Variants in MUC3A observed in about 807,000 individuals in gnomAD.
MUC3A encodes the protein mucin 3A, cell surface associated, also known as mucin-3A.
Under a neutral mutation model 109.0 loss-of-function variants are expected in MUC3A, and 109 were observed. The ratio of observed to expected loss-of-function variants is 1.00; its 90% CI spans 0.86 to 1.17. The LOEUF (loss-of-function observed/expected upper bound fraction) is 1.17, where lower values mean the gene tolerates loss of function less well. Ranked by LOEUF, MUC3A falls within the 50% of genes most tolerant of loss-of-function variation. The pLI is 0.00. For missense variants in MUC3A, 3,537 were observed against 2,469.4 expected (o/e 1.43, Z -9.16); for synonymous variants, 1,398 against 981.4 (o/e 1.42, Z -7.93).
At position 100,965,310 on chromosome 7, in the gene MUC3A, G is replaced by A. The variant is rs759777846; in HGVS notation, c.9411G>A (p.Lys3137=). The change falls in exon 7 of 12, where the codon AAG becomes AAA. Residue 3137 remains lysine (K), a synonymous_variant. Transcript: ENST00000379458. ...QTLCFKPDSI[K]VNNNSKTELT... ...TGTGTTTTAAGCCTGACTCCATCAA[G>A]GTGAACAACAACAGCAAGACAGAGC... 2.1e-5 allele frequency: 34 copies of A among 1,599,102 alleles called. No individual in the cohort carries two copies. Among genetic ancestry groups the A allele is most frequent in the South Asian group, 6.6e-5 (6 of 91,016 alleles).
At position 100,968,252 on chromosome 7, in the gene MUC3A, T is replaced by G. The variant is rs954489326; in HGVS notation, c.*1090T>G. 2.6e-5 allele frequency: 4 copies of G among 153,062 alleles called. No individual in the cohort carries two copies. The highest frequency in any genetic ancestry group is 9.6e-5 in the African/African-American group (4 of 41,474). 9.5% of individuals were successfully genotyped at this position (153,062 alleles called of 1,614,324 possible). On this transcript the variant is annotated 3_prime_UTR_variant, in exon 12 of 12. Coordinates refer to ENST00000379458, the MANE Select transcript of MUC3A (RefSeq NM_005960.2). ...CAGTAACTCTGAGCCCTTGAAATCC[T>G]CAGTCGCCTTGGCGGGGAAGATTGG... is the stretch of plus-strand genomic sequence containing the variant.
At position 100,955,538 on chromosome 7, in the gene MUC3A, C is replaced by T. The variant is rs979850363; in HGVS notation, c.3759C>T (p.Ser1253=). 29 of 323,968 alleles carry T rather than the reference C, an allele frequency of 9.0e-5. No individual in the cohort carries two copies. Among genetic ancestry groups the T allele is most frequent in the Non-Finnish European group, 1.3e-4 (26 of 204,322 alleles). 20.1% of individuals were successfully genotyped at this position (323,968 alleles called of 1,614,324 possible). A position where few individuals can be genotyped will look rare whatever the true frequency, so the allele number is the denominator to read the frequency against. The stretch of plus-strand genomic sequence containing the variant: ...ATACAGAAACCTCATCCCTTGTCAG[C>T]ATGACCTCTGCCACCACTCCCAGTT... The part of the protein sequence containing the change: ...IQNTETSSLV[S]MTSATTPSLR... The change falls in exon 2 of 12, where the codon AGC becomes AGT. Residue 1253 remains serine, a synonymous_variant. Transcript: ENST00000379458.
chr7:100,961,170 G>C (rs1414574242), intron 3 of MUC3A, among the ~76,000 whole-genome samples: 6 of 152,308 alleles, frequency 3.9e-5, no homozygotes, highest in Non-Finnish European at 8.8e-5. Flanking sequence ...GACTTGGGCT[G>C]CTTGGAGCTG....
At chr7:100,949,815 G>C in intron 1 of MUC3A, 130 bp downstream of exon 1, 1 of 961,162 alleles carries the variant, frequency 1.0e-6, no homozygotes, top group Non-Finnish European at 1.5e-6. Flanking sequence ...TCTGGGTGCA[G>C]GGAGAACCGA....
At chr7:100,951,284 C>T (rs555494918) in intron 1 of MUC3A, among the ~76,000 whole-genome samples, 2 of 152,414 alleles carry the variant, frequency 1.3e-5, no homozygotes, top group East Asian at 1.9e-4. Context: ...CATGAGCCAC[C>T]GTGCCTGGCC....
At position 100,956,063 on chromosome 7, in the gene MUC3A, C is replaced by T; in HGVS notation, c.4284C>T (p.Ser1428=). 2.2e-6 allele frequency: 1 copy of T among 448,170 alleles called. No individual in the cohort carries two copies. The highest frequency in any genetic ancestry group is 3.9e-6 in the Non-Finnish European group (1 of 255,940). The allele number at this position is 448,170 out of a possible 1,614,324, so 27.8% of individuals were successfully genotyped here. ...SSILSSTPVP[S]TEVTTSHTTN... ...TTTTATCTTCTACACCTGTCCCAAG[C>T]ACAGAGGTGACCACCAGTCATACCA... The change falls in exon 2 of 12, where the codon AGC becomes AGT. Residue 1428 remains serine, a synonymous_variant. Coordinates refer to ENST00000379458, the MANE Select transcript of MUC3A (RefSeq NM_005960.2).
rs1792678751 is a variant in MUC3A at position 100,967,921 on chromosome 7, C to T, written c.*759C>T. ...TGCTCTCATTCCTTGTATCTTCTCCCTTCTGAGCCCGTCCATTCATCGGTT... is the reference window on the plus strand; with the variant it reads ...TGCTCTCATTCCTTGTATCTTCTCCTTTCTGAGCCCGTCCATTCATCGGTT... On this transcript the variant is annotated 3_prime_UTR_variant, in exon 12 of 12. Coordinates refer to ENST00000379458, the MANE Select transcript of MUC3A (RefSeq NM_005960.2). 6.3e-6 allele frequency: 1 copy of T among 157,630 alleles called. No homozygotes were observed. The highest frequency in any genetic ancestry group is 2.4e-5 in the African/African-American group (1 of 41,538). The allele number at this position is 157,630 out of a possible 1,614,324, so 9.8% of individuals were successfully genotyped here.
Position 100,954,475 on chromosome 7 carries a change from C to T in MUC3A, c.2696C>T (p.Ser899Phe). 1 of 402,438 alleles carries T rather than the reference C, an allele frequency of 2.5e-6. No individual in the cohort carries two copies. The highest frequency in any genetic ancestry group is 3.6e-5 in the East Asian group (1 of 28,136). The allele number at this position is 402,438 out of a possible 1,614,324, so 24.9% of individuals were successfully genotyped here. ...FTSTENTPTR[S>F]LLTSFPMTHS... ...AGTACTGAGAACACTCCAACAAGGT[C>T]CCTCCTGACAAGCTTTCCAATGACA... Residue 899 changes from serine to phenylalanine, a missense_variant, in exon 2 of 12, where the codon TCC becomes TTC. Ser to Phe is a radical substitution (Grantham distance 155). Transcript: ENST00000379458.
chr7:100,961,267 T>C (rs971194578), intron 3 of MUC3A, among the ~76,000 whole-genome samples: 1 of 152,312 alleles, frequency 6.6e-6, no homozygotes, highest in African/African-American at 2.4e-5. Context: ...TTCTGTAGAT[T>C]AGAAGTCTGA....
intron 7 of MUC3A, 104 bp from the exon 8 acceptor site, chr7:100,965,600 G>C: frequency 6.6e-7 from 1 of 1,521,786 alleles, no homozygotes; most frequent in East Asian, 2.3e-5. Context: ...ATCCCACCTC[G>C]GAAATGGAAT....
chr7:100,960,353 C>T lies in MUC3A; in HGVS notation c.8574C>T (p.Asn2858=). ...SSTGTGTVPT[N]TVFTSTRLPT... Reference sequence around the variant, plus strand: ...CTGGCACTGGGACTGTACCCACAAACACAGTTTTCACAAGTACTCGACTGC... The same window carrying T: ...CTGGCACTGGGACTGTACCCACAAATACAGTTTTCACAAGTACTCGACTGC... The change falls in exon 2 of 12, where the codon AAC becomes AAT. Residue 2858 remains asparagine (N), a synonymous_variant. Transcript: ENST00000379458. The T allele has an allele frequency of 1.3e-6, 2 of 1,598,544 alleles. No homozygotes were observed. The highest frequency in any genetic ancestry group is 2.2e-5 in the East Asian group (1 of 44,892).
Position 100,968,264 on chromosome 7 carries a change from G to A in MUC3A, c.*1102G>A, listed in dbSNP as rs963234022. The A allele has an allele frequency of 6.5e-6, 1 of 152,886 alleles. No individual in the cohort carries two copies. The highest frequency in any genetic ancestry group is 2.4e-5 in the African/African-American group (1 of 41,480). The allele number at this position is 152,886 out of a possible 1,614,324, so 9.5% of individuals were successfully genotyped here. A position where few individuals can be genotyped will look rare whatever the true frequency, so the allele number is the denominator to read the frequency against. ...GCCCTTGAAATCCTCAGTCGCCTTG[G>A]CGGGGAAGATTGGCTTTGGGGACAG... is the stretch of plus-strand genomic sequence containing the variant. On this transcript the variant is annotated 3_prime_UTR_variant, in exon 12 of 12. Coordinates refer to ENST00000379458, the MANE Select transcript of MUC3A (RefSeq NM_005960.2).
At position 100,956,478 on chromosome 7, in the gene MUC3A, G is replaced by A; in HGVS notation, c.4699G>A (p.Val1567Met). The A allele has an allele frequency of 4.1e-6, 2 of 493,554 alleles. No individual in the cohort carries two copies. Among genetic ancestry groups the A allele is most frequent in the South Asian group, 3.8e-5 (1 of 26,450 alleles). The allele number at this position is 493,554 out of a possible 1,614,324, so 30.6% of individuals were successfully genotyped here. A position where few individuals can be genotyped will look rare whatever the true frequency, so the allele number is the denominator to read the frequency against. The change falls in exon 2 of 12, where the codon GTG (valine) becomes ATG (methionine). Residue 1567 changes from valine (V) to methionine (M), a missense_variant. Physicochemically the swap from Val to Met is conservative, Grantham distance 21. Coordinates refer to ENST00000379458, the MANE Select transcript of MUC3A (RefSeq NM_005960.2). Reference sequence around the variant, plus strand: ...TTCTACATCCATGATCCCATCTACTGTGAGTACAGGTATCCCTACCTCACA... The same window carrying A: ...TTCTACATCCATGATCCCATCTACTATGAGTACAGGTATCCCTACCTCACA... ...VTSTSMIPST[V>M]STGIPTSQPT...
Position 100,959,716 on chromosome 7 carries a change from C to CA in MUC3A, c.7937_7938insA (p.Ser2647LeufsTer11), listed in dbSNP as rs1792249638. 1.3e-6 allele frequency: 2 copies of CA among 1,598,422 alleles called. No homozygotes were observed. The highest frequency in any genetic ancestry group is 1.7e-6 in the Non-Finnish European group (2 of 1,179,826). Reference sequence around the variant, plus strand: ...ACCCTTCAAACAACTCCTTCTACTCCCTCATTGCAAACTTCACTCACATCT... The same window carrying CA: ...ACCCTTCAAACAACTCCTTCTACTCCACTCATTGCAAACTTCACTCACATCT... On this transcript the variant is annotated frameshift_variant, in exon 2 of 12. Transcript: ENST00000379458. LOFTEE classifies it high-confidence loss of function.
chr7:100,961,075 C>A (rs1303400390), intron 3 of MUC3A, 138 bp downstream of exon 3: 7 of 1,528,374 alleles, frequency 4.6e-6, no homozygotes, highest in African/African-American at 1.4e-5. Context: ...CTCTCCCATG[C>A]CCTCCGCTGC....
intron 1 of MUC3A, among the ~76,000 whole-genome samples, chr7:100,950,224 G>C (rs1389706763): frequency 6.6e-6 from 1 of 152,306 alleles, no homozygotes; most frequent in Non-Finnish European, 1.5e-5. Context: ...CCCCGGCCAG[G>C]GCCCATGTGT....
chr7:100,964,306 A>AATAAC, intron 5 of MUC3A: 1 of 157,680 alleles, frequency 6.3e-6, no homozygotes. Flanking sequence ...ATAATAATAA[A>AATAAC]ATGATTAGCC....
intron 4 of MUC3A, 73 bp downstream of exon 4, chr7:100,963,339 G>T: frequency 8.4e-7 from 1 of 1,195,014 alleles, no homozygotes; most frequent in Non-Finnish European, 1.2e-6. Context: ...TGGCTGGAGT[G>T]CAATGGTGCG....
In MUC3A at chr7:100,959,298, A is replaced by G; in HGVS notation, c.7519A>G (p.Thr2507Ala). The change falls in exon 2 of 12, where the codon ACA (threonine) becomes GCA (alanine). Residue 2507 changes from threonine (T) to alanine (A), a missense_variant. Coordinates refer to ENST00000379458, the MANE Select transcript of MUC3A (RefSeq NM_005960.2). ...VGTSTSLTTT[T>A]DFPSIPTDIS... ...CACCAGCACTTCATTGACTACAACC[A>G]CAGACTTTCCCTCTATACCCACTGA... The G allele has an allele frequency of 6.3e-7, 1 of 1,584,822 alleles. No homozygotes were observed. Among genetic ancestry groups the G allele is most frequent in the South Asian group, 1.1e-5 (1 of 88,210 alleles).
Sources: gnomAD v4.1 joint callset for allele counts (sites outside exome capture counted in the v4.1 genomes callset) on GRCh38, gnomAD v4.1.1 for gene constraint, MANE v1.5 for transcripts, NCBI Gene and HGNC (gene_info 2026-07-23, HGNC 2026-07-21) for gene names.